The following TTC39B variants were observed in gnomAD, a reference collection of about 807,000 sequenced individuals.
TTC39B encodes the protein tetratricopeptide repeat domain 39B.
TTC39B carries 92 observed loss-of-function variants against 96.6 expected under a neutral mutation model. The ratio of observed to expected loss-of-function variants is 0.95; its 90% CI spans 0.80 to 1.13. The LOEUF (loss-of-function observed/expected upper bound fraction) is 1.13. Among genes scored for constraint, TTC39B ranks in the 50% most tolerant of loss-of-function variants. The pLI is 0.00. For synonymous variants in TTC39B, 367 were observed against 299.4 expected, an observed-to-expected ratio of 1.23 and a Z score of -2.33; for missense variants, 955 against 809.3, an observed-to-expected ratio of 1.18 and a Z score of -2.18.
chr9:15,254,059 C>A (rs571202458), intron 2 of TTC39B, among the ~76,000 whole-genome samples: 2 of 152,118 alleles, frequency 1.3e-5, no homozygotes, highest in South Asian at 4.1e-4. Context: ...CCCACATCCC[C>A]TTTGTCAAGT....
intron 1 of TTC39B, among the ~76,000 whole-genome samples, chr9:15,278,341 TA>T (rs1325286796): frequency 1.3e-5 from 2 of 152,230 alleles, no homozygotes; most frequent in African/African-American, 4.8e-5. Flanking sequence ...ATATATGGTA[TA>T]TAATAGAGTG....
chr9:15,239,326 G>A (rs1256770364), intron 2 of TTC39B, among the ~76,000 whole-genome samples: 1 of 152,174 alleles, frequency 6.6e-6, no homozygotes, highest in Non-Finnish European at 1.5e-5. Context: ...GGGAACAAAC[G>A]TTGCTTCAAC....
chr9:15,237,951 C>A (rs964685126), intron 2 of TTC39B, among the ~76,000 whole-genome samples: 2 of 152,194 alleles, frequency 1.3e-5, no homozygotes, highest in African/African-American at 4.8e-5. Flanking sequence ...ATCAAGTGAG[C>A]TTTATTCCAG....
chr9:15,178,817 T>C (rs570833270), intron 17 of TTC39B, among the ~76,000 whole-genome samples: 5 of 152,276 alleles, frequency 3.3e-5, no homozygotes, highest in African/African-American at 1.2e-4. Flanking sequence ...TTGGCTTCAA[T>C]ACAGGAGAGG....
At chr9:15,297,427 A>T (rs907336971) in intron 1 of TTC39B, among the ~76,000 whole-genome samples, 1 of 152,194 alleles carries the variant, frequency 6.6e-6, no homozygotes, top group Non-Finnish European at 1.5e-5. Context: ...CTTGGTCTGG[A>T]AACAAGTCAG....
intron 1 of TTC39B, among the ~76,000 whole-genome samples, chr9:15,270,890 A>AAC (rs1823325097): frequency 1.3e-5 from 2 of 152,198 alleles, no homozygotes; most frequent in African/African-American, 4.8e-5. Context: ...TAATTTTAAA[A>AAC]AAGGAAAGGT....
chr9:15,234,269 AG>A (rs1394564734), intron 2 of TTC39B, among the ~76,000 whole-genome samples: 7 of 147,138 alleles, frequency 4.8e-5, no homozygotes. Flanking sequence ...GGTGGGGGTC[AG>A]CCCCCGCCAG....
chr9:15,246,671 G>A (rs1400701935), intron 2 of TTC39B, among the ~76,000 whole-genome samples: 1 of 152,214 alleles, frequency 6.6e-6, no homozygotes, highest in Non-Finnish European at 1.5e-5. Flanking sequence ...ACATTGCTAT[G>A]CTGTGAGGAA....
At chr9:15,274,646 C>T (rs941270519) in intron 1 of TTC39B, among the ~76,000 whole-genome samples, 3 of 152,152 alleles carry the variant, frequency 2.0e-5, no homozygotes, top group Non-Finnish European at 4.4e-5. Context: ...AAGTCCCCAC[C>T]TGTAACGACT....
intron 6 of TTC39B, among the ~76,000 whole-genome samples, chr9:15,209,810 G>C: frequency 6.6e-6 from 1 of 151,944 alleles, no homozygotes; most frequent in East Asian, 1.9e-4. Context: ...CACATTGTAG[G>C]ACAACACCTA....
chr9:15,249,925 G>A (rs1563762628), intron 2 of TTC39B: 2 of 1,276,862 alleles, frequency 1.6e-6, no homozygotes, highest in Non-Finnish European at 2.0e-6. Flanking sequence ...CACAGATTTA[G>A]AGCAGCTGTA....
At chr9:15,289,965 C>G (rs951260125) in intron 1 of TTC39B, among the ~76,000 whole-genome samples, 3 of 151,122 alleles carry the variant, frequency 2.0e-5, no homozygotes, top group African/African-American at 7.4e-5. Context: ...GAGCCAAAGC[C>G]AAACACTGAC....
Position 15,265,040 on chromosome 9 carries a change from A to G in TTC39B, c.275+2874T>C, listed in dbSNP as rs966180646. On this transcript the variant is annotated intron_variant, in intron 2 of 19. Transcript: ENST00000512701. ...AATGAACTTATTTGACAAAGGAGGT[A>G]TCAAATATAAATTGTTTCCCTCATG... 7.9e-5 allele frequency among the ~76,000 whole-genome samples: 12 copies of G among 152,300 alleles called. No individual in the cohort carries two copies. In the East Asian group the frequency reaches 2.3e-3, roughly 29 times the overall value.
chr9:15,171,919 G>T (rs1435948505), exon 20 of TTC39B: 5 of 843,880 alleles, frequency 5.9e-6, no homozygotes, highest in Non-Finnish European at 7.2e-6. Context: ...CTGTTTTTTT[G>T]TCTCTTATTC....
intron 1 of TTC39B, among the ~76,000 whole-genome samples, chr9:15,297,444 G>C (rs1005400196): frequency 2.0e-5 from 3 of 152,172 alleles, no homozygotes; most frequent in Admixed American, 1.3e-4. Context: ...TCAGCAGGTG[G>C]GGTGGGCAGC....
chr9:15,225,082 A>T (rs895501793), intron 3 of TTC39B, among the ~76,000 whole-genome samples: 7 of 152,106 alleles, frequency 4.6e-5, no homozygotes, highest in Admixed American at 2.6e-4. Context: ...AATAACTCAT[A>T]AAAAAAACCT....
intron 2 of TTC39B, among the ~76,000 whole-genome samples, chr9:15,261,094 G>A (rs566407272): frequency 2.0e-5 from 3 of 152,196 alleles, no homozygotes; most frequent in African/African-American, 4.8e-5. Context: ...ACCATGAAAA[G>A]AAAATCTTAA....
At chr9:15,251,663 G>A (rs1417912848) in intron 2 of TTC39B, among the ~76,000 whole-genome samples, 42 of 102,778 alleles carry the variant, frequency 4.1e-4, no homozygotes, top group African/African-American at 1.2e-3. Flanking sequence ...ATATATATAC[G>A]CGCATACACA....
chr9:15,297,709 G>A (rs184136502), intron 1 of TTC39B, among the ~76,000 whole-genome samples: 19 of 152,128 alleles, frequency 1.2e-4, no homozygotes, highest in African/African-American at 2.4e-4. Context: ...ACCAGCCTCC[G>A]TCACTCTGGG....
Sources: allele counts gnomAD v4.1 joint callset (sites outside exome capture counted in the v4.1 genomes callset), GRCh38; gene constraint gnomAD v4.1.1; transcripts MANE v1.5; gene names NCBI Gene and HGNC (gene_info 2026-07-23, HGNC 2026-07-21).